Variants in MMP26 observed in about 807,000 individuals in gnomAD.
The protein encoded by MMP26 is matrix metallopeptidase 26, also known as matrix metalloproteinase-26.
In MMP26, 33 loss-of-function variants were observed where a neutral mutation model predicts 31.0. The ratio of observed to expected loss-of-function variants is 1.06; its 90% CI spans 0.81 to 1.42. The LOEUF is 1.42. Ranked by LOEUF, MMP26 falls within the 40% of genes most tolerant of loss-of-function variation. MMP26 has a pLI of 0.00. For missense variants in MMP26, 347 were observed against 316.1 expected, an observed-to-expected ratio of 1.10 and a Z score of -0.74; for synonymous variants, 122 against 114.9, an observed-to-expected ratio of 1.06 and a Z score of -0.40.
In MMP26 at chr11:4,769,526, G is replaced by C. The variant is rs199630378; in HGVS notation, c.-145+2185G>C. 291 of 1,613,634 alleles carry C rather than the reference G, an allele frequency of 1.8e-4. No individual in the cohort carries two copies. Among genetic ancestry groups the C allele is most frequent in the Non-Finnish European group, 2.4e-4 (280 of 1,179,704 alleles). On this transcript the variant is annotated intron_variant, in intron 2 of 7. Transcript: ENST00000380390. ...AGTGAGAATGGTAGTGTACCTCAGA[G>C]GGTCACAGATGGCCACATAACGGTC...
At chr11:4,791,257 T>C (rs1309472810) in intron 2 of MMP26, among the ~76,000 whole-genome samples, 2 of 152,200 alleles carry the variant, frequency 1.3e-5, no homozygotes, top group Non-Finnish European at 2.9e-5. Flanking sequence ...AAGTGGGACA[T>C]AATATTCCAG....
chr11:4,909,695 A>G (rs1002792804), intron 2 of MMP26, among the ~76,000 whole-genome samples: 2 of 152,158 alleles, frequency 1.3e-5, no homozygotes, highest in African/African-American at 4.8e-5. Flanking sequence ...TTTAGTTCAC[A>G]TTTAAAACTT....
chr11:4,773,221 C>T (rs1848748498), intron 2 of MMP26, among the ~76,000 whole-genome samples: 2 of 152,144 alleles, frequency 1.3e-5, no homozygotes, highest in African/African-American at 2.4e-5. Context: ...TGGGTAGGAC[C>T]TCTGACTAAC....
chr11:4,856,062 C>T (rs1850047303), intron 2 of MMP26, among the ~76,000 whole-genome samples: 2 of 152,178 alleles, frequency 1.3e-5, no homozygotes, highest in Admixed American at 1.3e-4. Context: ...TACAAGAGCT[C>T]ACGAAGGAAG....
At chr11:4,812,063 C>T (rs180869007) in intron 2 of MMP26, among the ~76,000 whole-genome samples, 7 of 152,030 alleles carry the variant, frequency 4.6e-5, no homozygotes, top group African/African-American at 4.8e-5. Context: ...AGGTTGGTTA[C>T]GATAAACTTA....
chr11:4,915,704 T>C (rs766478718), intron 2 of MMP26: 1 of 1,461,202 alleles, frequency 6.8e-7, no homozygotes, highest in Non-Finnish European at 9.4e-7. Flanking sequence ...CCCTCCAAAA[T>C]CCTGAAGTAA....
intron 1 of MMP26, chr11:4,722,823 G>C (rs1479615583): frequency 3.2e-6 from 3 of 950,614 alleles, no homozygotes; most frequent in Non-Finnish European, 5.1e-6. Flanking sequence ...GGTGGAGCTG[G>C]TGTGGCTGAA....
intron 2 of MMP26, chr11:4,946,193 C>G: frequency 1.2e-6 from 2 of 1,613,988 alleles, no homozygotes; most frequent in Non-Finnish European, 1.7e-6. Flanking sequence ...TGCTACAACT[C>G]TCACTCTAAT....
chr11:4,728,938 T>G (rs1848137791), intron 1 of MMP26, among the ~76,000 whole-genome samples: 1 of 151,820 alleles, frequency 6.6e-6, no homozygotes, highest in African/African-American at 2.4e-5. Flanking sequence ...TTTGAGATCA[T>G]GCACGTTGAT....
intron 2 of MMP26, chr11:4,871,649 A>T (rs1237886809): frequency 6.6e-6 from 1 of 152,150 alleles, no homozygotes; most frequent in East Asian, 1.9e-4. Flanking sequence ...CTCCAGGGGA[A>T]ATTCTGGGCA....
chr11:4,982,108 C>T (rs74054430), intron 2 of MMP26, among the ~76,000 whole-genome samples: 7,361 of 151,390 alleles, frequency 0.049, 599 homozygotes, highest in African/African-American at 0.17. Flanking sequence ...TACATATATA[C>T]AATATACATA....
chr11:4,859,996 G>T, intron 2 of MMP26: 2 of 471,186 alleles, frequency 4.2e-6, no homozygotes, highest in Non-Finnish European at 8.8e-6. Context: ...GCTGGCACAA[G>T]CTAGCCGCAT....
At position 4,992,419 on chromosome 11, in the gene MMP26, T is replaced by G. The variant is rs1216346045; in HGVS notation, c.*177T>G. On this transcript the variant is annotated 3_prime_UTR_variant, in exon 8 of 8. Transcript: ENST00000380390. ...CTACTGAGTCACAATAAAGATTGTT[T>G]TAAAGAGTAATATTTTGTCCTCATA... 1.6e-6 allele frequency: 1 copy of G among 625,784 alleles called. No individual in the cohort carries two copies. Among genetic ancestry groups the G allele is most frequent in the Non-Finnish European group, 2.9e-6 (1 of 350,794 alleles). 38.8% of individuals were successfully genotyped at this position (625,784 alleles called of 1,614,324 possible).
chr11:4,803,307 G>A, intron 2 of MMP26: 1 of 669,408 alleles, frequency 1.5e-6, no homozygotes, highest in Admixed American at 3.1e-5. Context: ...CTAGAGGGTT[G>A]CTTACCTCTG....
At chr11:4,773,883 T>C (rs1158317748) in intron 2 of MMP26, among the ~76,000 whole-genome samples, 3 of 152,154 alleles carry the variant, frequency 2.0e-5, no homozygotes, top group Non-Finnish European at 4.4e-5. Context: ...AGTGAGAACA[T>C]GAAGTGTTTG....
At chr11:4,794,731 C>A (rs1849081639) in intron 2 of MMP26, among the ~76,000 whole-genome samples, 1 of 152,138 alleles carries the variant, frequency 6.6e-6, no homozygotes, top group South Asian at 2.1e-4. Context: ...GTGAGGGTAA[C>A]CAAGCAGTCC....
intron 1 of MMP26, chr11:4,723,846 T>G (rs1336302358): frequency 6.6e-7 from 1 of 1,506,902 alleles, no homozygotes; most frequent in Non-Finnish European, 9.2e-7. Flanking sequence ...CCAGGAACCG[T>G]ACCTTGTCTA....
At chr11:4,956,909 T>G (rs536964716) in intron 2 of MMP26, among the ~76,000 whole-genome samples, 2 of 152,244 alleles carry the variant, frequency 1.3e-5, no homozygotes, top group Non-Finnish European at 2.9e-5. Flanking sequence ...TTTTACTTAC[T>G]GAGTTCCATT....
At chr11:4,769,785 T>G (rs781512231) in intron 2 of MMP26, 2 of 1,613,774 alleles carry the variant, frequency 1.2e-6, no homozygotes, top group Non-Finnish European at 1.7e-6. Flanking sequence ...AGGATCACGC[T>G]GTTCCCAGAG....
Sources: allele counts gnomAD v4.1 joint callset (sites outside exome capture counted in the v4.1 genomes callset), GRCh38; gene constraint gnomAD v4.1.1; transcripts MANE v1.5; gene names NCBI Gene and HGNC (gene_info 2026-07-23, HGNC 2026-07-21).